The following SPATA17 variants were observed in gnomAD, a reference collection of about 807,000 sequenced individuals.
SPATA17 encodes spermatogenesis associated 17.
Under a neutral mutation model 62.2 loss-of-function variants are expected in SPATA17, and 53 were observed. The ratio of observed to expected loss-of-function variants is 0.85; its 90% CI spans 0.68 to 1.07. The LOEUF (loss-of-function observed/expected upper bound fraction) is 1.07, where lower values mean the gene tolerates loss of function less well. SPATA17 is among the 50% of genes least tolerant of loss of function. The pLI is 0.00. For missense variants in SPATA17, 466 were observed against 425.5 expected (o/e 1.10, Z -0.84); for synonymous variants, 146 against 146.8 (o/e 0.99, Z 0.04).
chr1:217,834,859 C>T (rs147228158), intron 9 of SPATA17, among the ~76,000 whole-genome samples: 1,577 of 152,236 alleles, frequency 0.01, 11 homozygotes, highest in Middle Eastern at 0.024. Flanking sequence ...AACTTCCAGT[C>T]CTGTAAGCTC....
chr1:217,734,073 A>C (rs950894786), intron 5 of SPATA17, among the ~76,000 whole-genome samples: 41 of 152,302 alleles, frequency 2.7e-4, no homozygotes, highest in African/African-American at 9.9e-4. Context: ...TATTTTAGGT[A>C]TCTTAATAAC....
chr1:217,830,997 G>A (rs1490671874), intron 9 of SPATA17, among the ~76,000 whole-genome samples: 1 of 152,096 alleles, frequency 6.6e-6, no homozygotes, highest in Non-Finnish European at 1.5e-5. Context: ...GGATACAAAT[G>A]TTTACCTTAC....
intron 6 of SPATA17, among the ~76,000 whole-genome samples, chr1:217,742,822 C>G (rs560647035): frequency 6.6e-6 from 1 of 152,032 alleles, no homozygotes; most frequent in East Asian, 1.9e-4. Flanking sequence ...CATAGACCTT[C>G]AAGTTCAGTG....
At chr1:217,764,917 A>G (rs1233570586) in intron 6 of SPATA17, among the ~76,000 whole-genome samples, 1 of 152,118 alleles carries the variant, frequency 6.6e-6, no homozygotes, top group Non-Finnish European at 1.5e-5. Context: ...AACTTCCAGT[A>G]CAGTGTTGAA....
intron 1 of SPATA17, among the ~76,000 whole-genome samples, chr1:217,639,617 G>C (rs2102876082): frequency 6.6e-6 from 1 of 152,174 alleles, no homozygotes; most frequent in East Asian, 1.9e-4. Flanking sequence ...AATTAATCTA[G>C]AAGAAGTAAA....
intron 6 of SPATA17, among the ~76,000 whole-genome samples, chr1:217,761,223 CCTT>C (rs569679782): frequency 3.3e-4 from 50 of 152,260 alleles, no homozygotes; most frequent in Admixed American, 6.5e-4. Flanking sequence ...ATCTTTTTCT[CCTT>C]CTCTGGTCAT....
intron 6 of SPATA17, among the ~76,000 whole-genome samples, chr1:217,747,142 G>T (rs947153543): frequency 7.2e-5 from 11 of 152,028 alleles, no homozygotes; most frequent in African/African-American, 2.7e-4. Context: ...AAAGTAAAAT[G>T]CAAATATTGC....
At chr1:217,759,391 G>A (rs778419882) in intron 6 of SPATA17, among the ~76,000 whole-genome samples, 11 of 151,964 alleles carry the variant, frequency 7.2e-5, no homozygotes, top group South Asian at 2.1e-4. Flanking sequence ...CCCGGGAGGC[G>A]GAGGTGGCAG....
At chr1:217,734,393 G>A (rs955387315) in intron 5 of SPATA17, among the ~76,000 whole-genome samples, 1 of 152,122 alleles carries the variant, frequency 6.6e-6, no homozygotes, top group Non-Finnish European at 1.5e-5. Flanking sequence ...TTTGGAGACA[G>A]GGTCTTACTA....
chr1:217,727,570 TTATC>T (rs1396614971), intron 5 of SPATA17, among the ~76,000 whole-genome samples: 27 of 152,280 alleles, frequency 1.8e-4, no homozygotes, highest in Admixed American at 5.2e-4. Flanking sequence ...AATAATGAAG[TTATC>T]TATTCTAAAT....
At chr1:217,808,649 C>T (rs896574463) in intron 9 of SPATA17, among the ~76,000 whole-genome samples, 11 of 152,110 alleles carry the variant, frequency 7.2e-5, no homozygotes, top group African/African-American at 2.6e-4. Context: ...GTCAAGAGAT[C>T]GAGACCATCC....
chr1:217,660,597 G>A (rs1285229417), intron 3 of SPATA17, among the ~76,000 whole-genome samples: 1 of 152,172 alleles, frequency 6.6e-6, no homozygotes, highest in Non-Finnish European at 1.5e-5. Flanking sequence ...GCTTGTCTAT[G>A]TGTTGTGAGC....
intron 9 of SPATA17, among the ~76,000 whole-genome samples, chr1:217,839,976 C>T (rs1228965331): frequency 2.0e-5 from 3 of 151,090 alleles, no homozygotes; most frequent in East Asian, 3.9e-4. Context: ...AAGTGCAACT[C>T]GGAAAATCGT....
intron 6 of SPATA17, among the ~76,000 whole-genome samples, chr1:217,772,126 T>C (rs1010306269): frequency 1.3e-5 from 2 of 152,162 alleles, no homozygotes; most frequent in Non-Finnish European, 2.9e-5. Flanking sequence ...TTTATTTTTT[T>C]CTTAGTACAA....
chr1:217,658,513 C>G (rs1176029670), intron 3 of SPATA17, among the ~76,000 whole-genome samples: 1 of 152,140 alleles, frequency 6.6e-6, no homozygotes, highest in Non-Finnish European at 1.5e-5. Flanking sequence ...AATCCCAGGA[C>G]TTTGGGAGGT....
At chr1:217,666,072 C>T (rs867223673) in intron 3 of SPATA17, among the ~76,000 whole-genome samples, 20 of 151,960 alleles carry the variant, frequency 1.3e-4, no homozygotes, top group African/African-American at 4.6e-4. Flanking sequence ...AATTGAGCAC[C>T]ATGTTTCCAC....
chr1:217,800,526 A>G (rs1477471620), intron 8 of SPATA17, among the ~76,000 whole-genome samples: 2 of 152,142 alleles, frequency 1.3e-5, no homozygotes, highest in African/African-American at 4.8e-5. Context: ...ATAGGCTCTT[A>G]TGGATACATG....
At chr1:217,635,860 A>C (rs7523692) in intron 1 of SPATA17, among the ~76,000 whole-genome samples, 92,334 of 151,754 alleles carry the variant, frequency 0.61, 29,095 homozygotes, top group African/African-American at 0.69. Context: ...TGACGCCGGG[A>C]GCAGTGGCTC....
intron 5 of SPATA17, among the ~76,000 whole-genome samples, chr1:217,727,273 A>G (rs1380252882): frequency 6.7e-6 from 1 of 148,892 alleles, no homozygotes. Context: ...AATAATAATA[A>G]TAATAATAAT....
Sources: gnomAD v4.1 joint callset for allele counts (sites outside exome capture counted in the v4.1 genomes callset) on GRCh38, gnomAD v4.1.1 for gene constraint, MANE v1.5 for transcripts, NCBI Gene and HGNC (gene_info 2026-07-23, HGNC 2026-07-21) for gene names.